The following SMC5 variants were observed in gnomAD, a reference collection of about 807,000 sequenced individuals.
SMC5 encodes structural maintenance of chromosomes protein 5.
Under a neutral mutation model 148.3 loss-of-function variants are expected in SMC5, and 88 were observed. The observed-to-expected ratio is 0.59, with a 90% CI of 0.50 to 0.71. The LOEUF is 0.71. SMC5 is among the 30% of genes least tolerant of loss of function. The pLI, the probability that SMC5 is intolerant of heterozygous loss-of-function variation, is 0.00. For missense variants in SMC5, 1,142 were observed against 1,298.9 expected (o/e 0.88, Z 1.86); for synonymous variants, 421 against 432.8 (o/e 0.97, Z 0.34).
At chr9:70,264,584 A>G in intron 2 of SMC5, 139 bp downstream of exon 2, 1 of 747,348 alleles carries the variant, frequency 1.3e-6, no homozygotes, top group Non-Finnish European at 2.0e-6. Context: ...GCAGGTAGAG[A>G]AGCTAGAAGG....
At chr9:70,286,627 T>G (rs1445236194) in intron 8 of SMC5, 2 of 171,006 alleles carry the variant, frequency 1.2e-5, no homozygotes, top group Non-Finnish European at 2.5e-5. Flanking sequence ...GAAAAATCAG[T>G]GATGACGCTT....
intron 17 of SMC5, among the ~76,000 whole-genome samples, chr9:70,342,397 AAAATAAT>A: frequency 6.6e-6 from 1 of 152,176 alleles, no homozygotes; most frequent in South Asian, 2.1e-4. Context: ...TAATAATAAT[AAAATAAT>A]AAATAATAAT....
intron 22 of SMC5, 64 bp downstream of exon 22, chr9:70,348,102 C>T (rs1185261615): frequency 2.3e-5 from 29 of 1,273,112 alleles, no homozygotes; most frequent in Non-Finnish European, 2.9e-5. Flanking sequence ...GCTTAAAGTA[C>T]ATATAAATTA....
At chr9:70,316,143 TC>T (rs1398498395) in intron 13 of SMC5, among the ~76,000 whole-genome samples, 1 of 152,056 alleles carries the variant, frequency 6.6e-6, no homozygotes, top group Non-Finnish European at 1.5e-5. Flanking sequence ...GGAATTTTAT[TC>T]TTTAAAGCAA....
At chr9:70,345,979 C>T (rs575604367) in intron 18 of SMC5, among the ~76,000 whole-genome samples, 7 of 152,234 alleles carry the variant, frequency 4.6e-5, no homozygotes, top group African/African-American at 1.7e-4. Context: ...GCAAGACTTG[C>T]TGATGGATTT....
chr9:70,271,007 T>C (rs2034435671), intron 3 of SMC5, among the ~76,000 whole-genome samples: 1 of 152,090 alleles, frequency 6.6e-6, no homozygotes, highest in Non-Finnish European at 1.5e-5. Flanking sequence ...CCAGAAGTGT[T>C]TTGGATTTTG....
Position 70,282,424 on chromosome 9 carries a change from A to G in SMC5, c.822A>G (p.Glu274=). The G allele has an allele frequency of 1.9e-6, 3 of 1,590,188 alleles. No individual in the cohort carries two copies. The highest frequency in any genetic ancestry group is 2.7e-5 in the African/African-American group (2 of 73,724). Residue 274 remains glutamate (E), a splice_region_variant and synonymous_variant, in exon 7 of 25, where the codon GAA becomes GAG. Transcript: ENST00000361138. ...CTGTTTGTTGAATTATTTGCAAGGA[A>G]TATGAAAATGTTCGTCAGGAATATG... ...EMLEAKRPWV[E]YENVRQEYEE...
intron 18 of SMC5, 181 bp from the exon 19 acceptor site, chr9:70,346,424 T>G: frequency 1.6e-6 from 1 of 637,362 alleles, no homozygotes; most frequent in Middle Eastern, 2.7e-4. Context: ...AAAAAAAAAG[T>G]ATATGTTCTA....
chr9:70,307,968 G>A (rs2035550858), intron 11 of SMC5, among the ~76,000 whole-genome samples: 1 of 151,948 alleles, frequency 6.6e-6, no homozygotes, highest in Non-Finnish European at 1.5e-5. Flanking sequence ...ATCTTTTTGG[G>A]CCTTACAATC....
intron 8 of SMC5, among the ~76,000 whole-genome samples, chr9:70,297,193 AC>A (rs2035224778): frequency 1.3e-5 from 2 of 152,314 alleles, no homozygotes; most frequent in Non-Finnish European, 2.9e-5. Flanking sequence ...CACCTTATAC[AC>A]ATAGCCTGAA....
At chr9:70,301,333 A>G (rs1259447213) in intron 10 of SMC5, among the ~76,000 whole-genome samples, 4 of 152,316 alleles carry the variant, frequency 2.6e-5, no homozygotes, top group Middle Eastern at 3.4e-3. Flanking sequence ...AAGTCAGATT[A>G]ATAGCTGGCA....
chr9:70,280,646 C>T (rs994723119), intron 5 of SMC5, 113 bp from the exon 6 acceptor site: 1 of 959,380 alleles, frequency 1.0e-6, no homozygotes, highest in Non-Finnish European at 1.5e-6. Flanking sequence ...CTTAAGAACT[C>T]CTGTGAATTC....
chr9:70,297,441 C>T (rs1043459413), intron 8 of SMC5, among the ~76,000 whole-genome samples: 7 of 152,074 alleles, frequency 4.6e-5, no homozygotes, highest in Non-Finnish European at 7.4e-5. Flanking sequence ...TAATATAGTG[C>T]AAAAATAATG....
intron 8 of SMC5, 112 bp from the exon 9 acceptor site, chr9:70,297,854 G>GTCCTAACAT: frequency 8.0e-7 from 1 of 1,246,198 alleles, no homozygotes; most frequent in South Asian, 1.5e-5. Context: ...ACCTTTTAGT[G>GTCCTAACAT]AGGAAAACAC....
chr9:70,350,271 G>C lies in SMC5; in HGVS notation c.3047G>C (p.Arg1016Thr). 1 of 1,612,846 alleles carries C rather than the reference G, an allele frequency of 6.2e-7. No homozygotes were observed. Among genetic ancestry groups the C allele is most frequent in the Non-Finnish European group, 8.5e-7 (1 of 1,179,586 alleles). ...CAGGAGCTAAATAGATGTCCATTCA[G>C]AGTAGTTGATGAAATCAATCAGGTA... The part of the protein sequence containing the change: ...ALQELNRCPF[R>T]VVDEINQGMD... The change falls in exon 23 of 25, where the codon AGA becomes ACA. Residue 1016 changes from arginine to threonine, a missense_variant. Arg to Thr is a moderately conservative substitution (Grantham distance 71). Coordinates refer to ENST00000361138, the MANE Select transcript of SMC5 (RefSeq NM_015110.4).
intron 3 of SMC5, among the ~76,000 whole-genome samples, chr9:70,274,194 G>C (rs1291608481): frequency 6.6e-6 from 1 of 152,186 alleles, no homozygotes; most frequent in Non-Finnish European, 1.5e-5. Flanking sequence ...CCATTTTCCT[G>C]CCTCAGCCTC....
chr9:70,303,185 C>G (rs1037793836), intron 10 of SMC5, among the ~76,000 whole-genome samples: 18 of 151,984 alleles, frequency 1.2e-4, no homozygotes, highest in Admixed American at 3.3e-4. Context: ...CGTGATCACA[C>G]CACTGCACTC....
intron 10 of SMC5, among the ~76,000 whole-genome samples, chr9:70,301,247 TC>T (rs2035350037): frequency 6.6e-6 from 1 of 152,190 alleles, no homozygotes; most frequent in Non-Finnish European, 1.5e-5. Context: ...AATGCCAGTG[TC>T]AGAATAATAC....
chr9:70,307,796 G>A (rs909205805), intron 11 of SMC5, among the ~76,000 whole-genome samples: 5 of 152,054 alleles, frequency 3.3e-5, no homozygotes, highest in Admixed American at 2.6e-4. Context: ...GAACCACCAC[G>A]CCCGGTCAAT....
Sources: allele counts gnomAD v4.1 joint callset (sites outside exome capture counted in the v4.1 genomes callset), GRCh38; gene constraint gnomAD v4.1.1; transcripts MANE v1.5; gene names NCBI Gene and HGNC (gene_info 2026-07-23, HGNC 2026-07-21).